The following HEPH variants were observed in gnomAD, a reference collection of about 807,000 sequenced individuals.
HEPH encodes hephaestin.
HEPH carries 69 observed loss-of-function variants against 80.8 expected under a neutral mutation model. The ratio of observed to expected loss-of-function variants is 0.85; its 90% CI spans 0.70 to 1.04. HEPH has a LOEUF of 1.04. Among genes scored for constraint, HEPH ranks in the 50% least tolerant of loss-of-function variants. The probability of loss-of-function intolerance (pLI) is 0.00; values close to 1 mark genes in which losing one functional copy is unlikely to be tolerated. For missense variants in HEPH, 1,115 were observed against 891.3 expected, an observed-to-expected ratio of 1.25 and a Z score of -3.20; for synonymous variants, 431 against 322.8, an observed-to-expected ratio of 1.34 and a Z score of -3.60.
At chrX:66,165,927 GA>G (rs914384455) in intron 1 of HEPH, among the ~76,000 whole-genome samples, 1 of 110,115 alleles carries the variant, frequency 9.1e-6, no homozygotes, top group Non-Finnish European at 1.9e-5. Flanking sequence ...GCTTAGCTGA[GA>G]AAAAAAATAT....
chrX:66,178,963 G>T lies in HEPH; in HGVS notation c.625+5162G>T, dbSNP rs181391793. 2.7e-5 allele frequency among the ~76,000 whole-genome samples: 3 copies of T among 111,657 alleles called. No individual in the cohort carries two copies. The East Asian group carries it at 8.4e-4, about 31-fold the overall frequency. ...TCTTTAGTTTAGTTACATCCCATTT[G>T]CCAATTTTGGCTTTTGTTACCATTG... On this transcript the variant is annotated intron_variant, in intron 4 of 20. Transcript: ENST00000343002.
intron 8 of HEPH, 92 bp from the exon 9 acceptor site, chrX:66,195,006 C>G: frequency 6.9e-6 from 5 of 719,946 alleles, no homozygotes; most frequent in Non-Finnish European, 9.6e-6. Flanking sequence ...TTCACTTTCA[C>G]TTTCCTTTTC....
intron 5 of HEPH, 138 bp from the exon 6 acceptor site, chrX:66,189,545 AG>A: frequency 1.6e-6 from 1 of 617,340 alleles, no homozygotes; most frequent in Non-Finnish European, 2.5e-6. Context: ...TGAGATTTAA[AG>A]AAGATAATAC....
intron 4 of HEPH, among the ~76,000 whole-genome samples, chrX:66,187,618 C>T (rs1213209763): frequency 9.0e-6 from 1 of 111,613 alleles, no homozygotes; most frequent in Non-Finnish European, 1.9e-5. Context: ...GGTCTCTCTG[C>T]TGTGAATACC....
chrX:66,189,074 A>G (rs1569305649), intron 5 of HEPH, among the ~76,000 whole-genome samples: 1 of 112,355 alleles, frequency 8.9e-6, no homozygotes, highest in African/African-American at 3.2e-5. Context: ...CCGAGGCATG[A>G]ATATTGAACT....
intron 15 of HEPH, among the ~76,000 whole-genome samples, chrX:66,222,080 C>T (rs1467861783): frequency 8.8e-6 from 1 of 113,084 alleles, no homozygotes; most frequent in Non-Finnish European, 1.9e-5. Flanking sequence ...CACACATCTG[C>T]TCAGGGATGA....
intron 15 of HEPH, among the ~76,000 whole-genome samples, chrX:66,230,128 G>T (rs2148000643): frequency 1.1e-5 from 1 of 94,295 alleles, no homozygotes; most frequent in South Asian, 5.8e-4. Flanking sequence ...TGGCTGCATA[G>T]TATTCCATGG....
chrX:66,231,100 C>T (rs1352279940), intron 15 of HEPH, among the ~76,000 whole-genome samples: 9 of 109,315 alleles, frequency 8.2e-5, no homozygotes, highest in African/African-American at 3.0e-4. Context: ...TATGCGGCGT[C>T]ATTTCTGAGG....
chrX:66,210,551 G>A (rs1336622416), intron 15 of HEPH, among the ~76,000 whole-genome samples: 1 of 110,861 alleles, frequency 9.0e-6, no homozygotes, highest in East Asian at 2.8e-4. Flanking sequence ...AAAAATGGTG[G>A]GGATTGGGAT....
chrX:66,202,517 G>A lies in HEPH; in HGVS notation c.2078-847G>A, dbSNP rs1249081856. 4.5e-5 allele frequency among the ~76,000 whole-genome samples: 5 copies of A among 111,560 alleles called. No homozygotes were observed. In the East Asian group the frequency reaches 1.1e-3, roughly 25 times the overall value. On this transcript the variant is annotated intron_variant, in intron 12 of 20. Coordinates refer to ENST00000343002, the MANE Select transcript of HEPH (RefSeq NM_001367233.3). Reference sequence around the variant, plus strand: ...ATTTGGAGCTTAAGATCTGGTCCAGGCAACTTCACAACACAGACATTTAAG... The same window carrying A: ...ATTTGGAGCTTAAGATCTGGTCCAGACAACTTCACAACACAGACATTTAAG...
At chrX:66,267,963 A>G (rs1160568584), downstream of HEPH, 4 of 111,557 alleles carry the variant, frequency 3.6e-5, no homozygotes, top group Non-Finnish European at 7.5e-5. Context: ...AAAGATGATA[A>G]CTATGTACTG....
chrX:66,232,133 TG>T (rs2148017604), intron 15 of HEPH, among the ~76,000 whole-genome samples: 1 of 110,618 alleles, frequency 9.0e-6, no homozygotes, highest in South Asian at 3.9e-4. Context: ...GAAGCCCACT[TG>T]ATCATGGTGG....
intron 15 of HEPH, among the ~76,000 whole-genome samples, chrX:66,241,592 G>A (rs1457915096): frequency 1.8e-5 from 2 of 111,508 alleles, no homozygotes; most frequent in African/African-American, 6.5e-5. Context: ...CAACATTGGA[G>A]CACCCAGATT....
intron 11 of HEPH, among the ~76,000 whole-genome samples, 179 bp downstream of exon 11, chrX:66,199,207 C>T (rs1297931239): frequency 8.9e-6 from 1 of 112,106 alleles, no homozygotes; most frequent in African/African-American, 3.2e-5. Context: ...CCTTTGGGTG[C>T]TGTGTCCTGT....
At chrX:66,229,895 A>G (rs1160394112) in intron 15 of HEPH, among the ~76,000 whole-genome samples, 19 of 106,635 alleles carry the variant, frequency 1.8e-4, no homozygotes, top group Non-Finnish European at 3.7e-4. Flanking sequence ...ATCTTGCATT[A>G]GGTATATCTC....
chrX:66,196,719 T>A (rs1331048353), intron 9 of HEPH, among the ~76,000 whole-genome samples: 1 of 112,059 alleles, frequency 8.9e-6, no homozygotes, highest in Non-Finnish European at 1.9e-5. Context: ...GAAATCTTTT[T>A]AATCTTGTCA....
chrX:66,250,181 G>A (rs995017001), intron 15 of HEPH, among the ~76,000 whole-genome samples: 4 of 111,138 alleles, frequency 3.6e-5, no homozygotes, highest in Non-Finnish European at 7.6e-5. Flanking sequence ...TAAGAGGACA[G>A]GCACTATGTT....
At chrX:66,193,696 T>G in intron 8 of HEPH, 58 bp downstream of exon 8, 1 of 974,938 alleles carries the variant, frequency 1.0e-6, no homozygotes, top group Non-Finnish European at 1.4e-6. Context: ...TGAGGAAGAC[T>G]TTGAAACTGA....
chrX:66,227,881 TC>T (rs1278762389), intron 15 of HEPH, among the ~76,000 whole-genome samples: 2 of 111,510 alleles, frequency 1.8e-5, no homozygotes, highest in African/African-American at 6.5e-5. Context: ...CTATGTGGGA[TC>T]TTTTTTGGTT....
Sources: allele counts gnomAD v4.1 joint callset (sites outside exome capture counted in the v4.1 genomes callset), GRCh38; gene constraint gnomAD v4.1.1; transcripts MANE v1.5; gene names NCBI Gene and HGNC (gene_info 2026-07-23, HGNC 2026-07-21).